The following ADGRL4 variants were observed in gnomAD, a reference collection of about 807,000 sequenced individuals.
ADGRL4 encodes EGF, latrophilin and seven transmembrane domain containing 1.
A neutral mutation model predicts 74.8 loss-of-function variants in ADGRL4; 90 were observed. The ratio of observed to expected loss-of-function variants is 1.20; its 90% CI spans 1.02 to 1.43. The LOEUF is 1.43. Ranked by LOEUF, ADGRL4 falls within the 40% of genes most tolerant of loss-of-function variation. The pLI is 0.00. For missense variants in ADGRL4, 881 were observed against 814.3 expected (o/e 1.08, Z -1.00); for synonymous variants, 311 against 279.2 (o/e 1.11, Z -1.14).
intron 6 of ADGRL4, among the ~76,000 whole-genome samples, chr1:78,936,756 G>A (rs536938164): frequency 5.9e-5 from 9 of 152,152 alleles, no homozygotes; most frequent in Non-Finnish European, 1.2e-4. Flanking sequence ...ACTTACTAAT[G>A]AGTGATTTAA....
At chr1:79,005,261 A>C in intron 1 of ADGRL4, 42 bp from the exon 2 acceptor site, 1 of 1,444,296 alleles carries the variant, frequency 6.9e-7, no homozygotes, top group Admixed American at 2.1e-5. Context: ...AAAGTAAAAC[A>C]AACATCTCTC....
chr1:78,918,031 G>T lies in ADGRL4; in HGVS notation c.1481C>A (p.Ala494Asp). 6.2e-7 allele frequency: 1 copy of T among 1,609,008 alleles called. No individual in the cohort carries two copies. The highest frequency in any genetic ancestry group is 8.5e-7 in the Non-Finnish European group (1 of 1,177,230). Residue 494 changes from alanine to aspartate, a missense_variant, in exon 11 of 15, where the codon GCC becomes GAC. Physicochemically the swap from Ala to Asp is moderately radical, Grantham distance 126. Transcript: ENST00000370742. ...NTNKLFCSII[A>D]GLLHYFFLAA... ...TAAAAAGAAGTAGTGTAGCAGTCCG[G>T]CAATGATTGAACAGAAGAGCTAGAA...
At chr1:78,952,559 GA>G (rs201746842) in intron 2 of ADGRL4, among the ~76,000 whole-genome samples, 2,178 of 148,096 alleles carry the variant, frequency 0.015, 55 homozygotes, top group African/African-American at 0.051. Flanking sequence ...AGAAAGGAAA[GA>G]AAAAAAAAGA....
rs879873285 is a variant in ADGRL4, at chr1:78,961,092, AT to A, written c.173-14667del. Among the ~76,000 whole-genome samples, 532 of 146,242 alleles carry A rather than the reference AT, an allele frequency of 3.6e-3. 2 individuals carry two copies. Among genetic ancestry groups the A allele is most frequent in the African/African-American group, 5.1e-3 (206 of 40,140 alleles). ...TTTTTATGACTCTATATACTTCAGTATTTTTTTTTTTATACGGAGTCTTGCT... is the reference window on the plus strand; with the variant it reads ...TTTTTATGACTCTATATACTTCAGTATTTTTTTTTTATACGGAGTCTTGCT... On this transcript the variant is annotated intron_variant, in intron 2 of 14. Transcript: ENST00000370742.
At chr1:78,939,097 T>C in intron 4 of ADGRL4, 91 bp downstream of exon 4, 1 of 1,390,078 alleles carries the variant, frequency 7.2e-7, no homozygotes, top group Non-Finnish European at 9.4e-7. Flanking sequence ...GTTTGACTAC[T>C]GTTTACTCTT....
intron 3 of ADGRL4, among the ~76,000 whole-genome samples, chr1:78,940,601 A>G (rs923107412): frequency 4.6e-5 from 7 of 152,150 alleles, no homozygotes; most frequent in Admixed American, 6.6e-5. Context: ...CCTTGAATTA[A>G]TGCAAAAATT....
intron 2 of ADGRL4, among the ~76,000 whole-genome samples, chr1:78,962,825 A>G (rs1649982164): frequency 6.6e-6 from 1 of 152,174 alleles, no homozygotes; most frequent in Non-Finnish European, 1.5e-5. Flanking sequence ...CTAATAGGAT[A>G]TAGTTAAATT....
intron 12 of ADGRL4, among the ~76,000 whole-genome samples, chr1:78,897,330 C>T (rs578046559): frequency 6.6e-6 from 1 of 152,236 alleles, no homozygotes; most frequent in South Asian, 2.1e-4. Flanking sequence ...AGAGAATCTC[C>T]TCACTTCTGA....
At position 78,941,759 on chromosome 1, in the gene ADGRL4, A is replaced by G. The variant is rs1338798331; in HGVS notation, c.326-2501T>C. On this transcript the variant is annotated intron_variant, in intron 3 of 14. Transcript: ENST00000370742. ...CAAGATCCACACTAATTTCTCTTGC[A>G]ATCTCTTGCAGGTTCAAATGGCTAA... Among the ~76,000 whole-genome samples, 3 of 152,196 alleles carry G rather than the reference A, an allele frequency of 2.0e-5. No individual in the cohort carries two copies. The East Asian group carries it at 5.8e-4, about 29-fold the overall frequency.
chr1:79,005,305 T>C lies in ADGRL4; in HGVS notation c.23-86A>G. 9 of 1,040,924 alleles carry C rather than the reference T, an allele frequency of 8.6e-6. No homozygotes were observed. The South Asian group carries it at 2.0e-4, about 23-fold the overall frequency. The allele number at this position is 1,040,924 out of a possible 1,614,324, so 64.5% of individuals were successfully genotyped here. A position where few individuals can be genotyped will look rare whatever the true frequency, so the allele number is the denominator to read the frequency against. On this transcript the variant is annotated intron_variant, in intron 1 of 14. Transcript: ENST00000370742. Reference sequence around the variant, plus strand: ...TGAATTAGAGTATAATAAACATAAATTATCCTCTCTTTCTATTTAGATAAA... The same window carrying C: ...TGAATTAGAGTATAATAAACATAAACTATCCTCTCTTTCTATTTAGATAAA...
intron 7 of ADGRL4, among the ~76,000 whole-genome samples, chr1:78,932,313 C>A (rs1449870220): frequency 2.0e-5 from 3 of 151,350 alleles, no homozygotes; most frequent in Non-Finnish European, 4.4e-5. Context: ...ACAACCTGCT[C>A]CTGAATGAAT....
chr1:78,980,707 G>A (rs766799946), intron 2 of ADGRL4, among the ~76,000 whole-genome samples: 1 of 151,866 alleles, frequency 6.6e-6, no homozygotes, highest in Non-Finnish European at 1.5e-5. Context: ...GAATCGCAAG[G>A]CTGGAAATGA....
Position 78,938,101 on chromosome 1 carries a change from G to C in ADGRL4, c.575C>G (p.Thr192Ser), listed in dbSNP as rs751640770. ...AKDTLSNSTL[T>S]EFVKTVNNFV... ...TGAGTTAAAGCTGAACATACTTACA[G>C]TAAGAGTTGAGTTAGAAAGGGTGTC... The change falls in exon 5 of 15, where the codon ACT becomes AGT. Residue 192 changes from threonine to serine, a missense_variant and splice_region_variant. By Grantham distance (58) the Thr-to-Ser change is moderately conservative. Coordinates refer to ENST00000370742, the MANE Select transcript of ADGRL4 (RefSeq NM_022159.4). The C allele has an allele frequency of 8.1e-6, 13 of 1,612,370 alleles. No homozygotes were observed. Among genetic ancestry groups the C allele is most frequent in the Non-Finnish European group, 1.1e-5 (13 of 1,179,448 alleles).
At chr1:78,997,732 T>A (rs1178233699) in intron 2 of ADGRL4, among the ~76,000 whole-genome samples, 1 of 152,172 alleles carries the variant, frequency 6.6e-6, no homozygotes, top group African/African-American at 2.4e-5. Context: ...GACTGGACTA[T>A]CTTTAAATGA....
intron 2 of ADGRL4, among the ~76,000 whole-genome samples, chr1:78,959,682 T>C (rs889013735): frequency 1.3e-5 from 2 of 152,202 alleles, no homozygotes; most frequent in African/African-American, 4.8e-5. Context: ...TGTATTTCCT[T>C]GTATTTTATT....
At chr1:78,894,601 A>G (rs552143029) in intron 12 of ADGRL4, among the ~76,000 whole-genome samples, 43 of 151,978 alleles carry the variant, frequency 2.8e-4, no homozygotes, top group African/African-American at 9.4e-4. Context: ...CTAGATTTCA[A>G]TAGCTATAGC....
Position 79,005,078 on chromosome 1 carries a change from A to G in ADGRL4, c.164T>C (p.Ile55Thr), listed in dbSNP as rs770804699. ...TAACAAAGCTTGTTTACCTTCACAAATTGTGACACCATTTCCTGAAAATCC... is the reference window on the plus strand; with the variant it reads ...TAACAAAGCTTGTTTACCTTCACAAGTTGTGACACCATTTCCTGAAAATCC... The part of the protein sequence containing the change: ...NMGFSGNGVT[I>T]CEDDNECGNL... Residue 55 changes from isoleucine to threonine, a missense_variant, in exon 2 of 15, where the codon ATT becomes ACT. Coordinates refer to ENST00000370742, the MANE Select transcript of ADGRL4 (RefSeq NM_022159.4). The G allele has an allele frequency of 1.7e-5, 28 of 1,611,718 alleles. No homozygotes were observed. The Admixed American group carries it at 3.2e-4, about 18-fold the overall frequency.
intron 2 of ADGRL4, among the ~76,000 whole-genome samples, chr1:78,955,368 T>C (rs1385769757): frequency 6.6e-6 from 1 of 152,116 alleles, no homozygotes; most frequent in Non-Finnish European, 1.5e-5. Context: ...AAACTTAAAA[T>C]TGTTTTTAAC....
Position 78,917,877 on chromosome 1 carries a change from A to G in ADGRL4, c.1635T>C (p.Val545=). ...IFGYLSPAVV[V]GFSAALGYRY... is the part of the protein sequence containing the mutation. ...TGTATCCTAGTGCTGCCGAAAATCC[A>G]ACTACCACGGCTGGGCTTAGATAGC... Residue 545 remains valine, a synonymous_variant, in exon 11 of 15, where the codon GTT becomes GTC. Coordinates refer to ENST00000370742, the MANE Select transcript of ADGRL4 (RefSeq NM_022159.4). 6.2e-7 allele frequency: 1 copy of G among 1,612,712 alleles called. No individual in the cohort carries two copies.
Sources: gnomAD v4.1 joint callset for allele counts (sites outside exome capture counted in the v4.1 genomes callset) on GRCh38, gnomAD v4.1.1 for gene constraint, MANE v1.5 for transcripts, NCBI Gene and HGNC (gene_info 2026-07-23, HGNC 2026-07-21) for gene names.